The following BTBD9 variants were observed in gnomAD, a reference collection of about 807,000 sequenced individuals.
The protein encoded by BTBD9 is BTB/POZ domain-containing protein 9.
In BTBD9, 49 loss-of-function variants were observed where a neutral mutation model predicts 64.3. The ratio of observed to expected loss-of-function variants is 0.76; its 90% confidence interval spans 0.61 to 0.97. The LOEUF is 0.97. BTBD9 is among the 50% of genes least tolerant of loss of function. The probability of loss-of-function intolerance (pLI) is 0.00; values close to 1 mark genes in which losing one functional copy is unlikely to be tolerated. For missense variants in BTBD9, 598 were observed against 762.1 expected (o/e 0.78, Z 2.53); for synonymous variants, 260 against 274.7 (o/e 0.95, Z 0.53).
intron 9 of BTBD9, among the ~76,000 whole-genome samples, chr6:38,202,275 T>C (rs1762492768): frequency 6.6e-6 from 1 of 151,700 alleles, no homozygotes; most frequent in Non-Finnish European, 1.5e-5. Context: ...TTAGTAGAAA[T>C]GGGGTTTCAC....
At chr6:38,428,425 C>A (rs2127292028) in intron 6 of BTBD9, among the ~76,000 whole-genome samples, 1 of 150,506 alleles carries the variant, frequency 6.6e-6, no homozygotes, top group African/African-American at 2.5e-5. Flanking sequence ...AAACTACGTT[C>A]TCTGTTGCCC....
rs1456985930 is a variant in BTBD9 at position 38,496,144 on chromosome 6, C to G, written c.1154+81456G>C. Among the ~76,000 whole-genome samples, 3 of 152,314 alleles carry G rather than the reference C, an allele frequency of 2.0e-5. No homozygotes were observed. The East Asian group carries it at 5.8e-4, about 29-fold the overall frequency. ...GTCACTGGCAAGAACAGGAAAAACACTTGGGGCAAGCAAGCCAGCCCCACT... is the reference window on the plus strand; with the variant it reads ...GTCACTGGCAAGAACAGGAAAAACAGTTGGGGCAAGCAAGCCAGCCCCACT... On this transcript the variant is annotated intron_variant, in intron 6 of 10. Coordinates refer to ENST00000481247, the MANE Select transcript of BTBD9 (RefSeq NM_001099272.2).
intron 6 of BTBD9, among the ~76,000 whole-genome samples, chr6:38,347,329 A>C (rs756568972): frequency 6.6e-6 from 1 of 152,204 alleles, no homozygotes; most frequent in Non-Finnish European, 1.5e-5. Context: ...CCAGATAAAA[A>C]GTTCTGTGTA....
intron 9 of BTBD9, among the ~76,000 whole-genome samples, chr6:38,227,387 A>C (rs1763434541): frequency 6.6e-6 from 1 of 152,204 alleles, no homozygotes; most frequent in Non-Finnish European, 1.5e-5. Flanking sequence ...CTCTAATCCA[A>C]AGATGCTTGA....
chr6:38,568,921 A>T (rs1412071471), intron 6 of BTBD9, among the ~76,000 whole-genome samples: 1 of 152,218 alleles, frequency 6.6e-6, no homozygotes, highest in Non-Finnish European at 1.5e-5. Context: ...ACTCCTAGAT[A>T]CCTTACACAG....
intron 10 of BTBD9, among the ~76,000 whole-genome samples, chr6:38,188,027 T>C (rs1338145413): frequency 1.3e-5 from 2 of 152,202 alleles, no homozygotes; most frequent in African/African-American, 4.8e-5. Flanking sequence ...AGCCTTTGGA[T>C]GCAGGAAGAC....
chr6:38,427,252 G>A lies in BTBD9; in HGVS notation c.1155-82159C>T, dbSNP rs989051090. 2.1e-4 allele frequency among the ~76,000 whole-genome samples: 32 copies of A among 151,704 alleles called. 2 individuals are homozygous for A. The highest frequency in any genetic ancestry group is 5.8e-4 in the African/African-American group (24 of 41,096). On this transcript the variant is annotated intron_variant, in intron 6 of 10. Coordinates refer to ENST00000481247, the MANE Select transcript of BTBD9 (RefSeq NM_001099272.2). The stretch of plus-strand genomic sequence containing the variant: ...CACCTATAATCTCAGCTATTCAGGA[G>A]GCTCAGGCAGGAGGATTGCTTGAGC...
chr6:38,252,541 T>G (rs573513919), intron 9 of BTBD9, among the ~76,000 whole-genome samples: 2 of 152,248 alleles, frequency 1.3e-5, no homozygotes, highest in Non-Finnish European at 2.9e-5. Context: ...TTACTACTTT[T>G]GTTCTTCTAA....
At chr6:38,217,760 G>T (rs144546781) in intron 9 of BTBD9, among the ~76,000 whole-genome samples, 1 of 150,722 alleles carries the variant, frequency 6.6e-6, no homozygotes, top group South Asian at 2.1e-4. Flanking sequence ...GCCCTTCACT[G>T]GCCGCATGGC....
At chr6:38,501,469 C>T (rs1772196759) in intron 6 of BTBD9, among the ~76,000 whole-genome samples, 1 of 152,224 alleles carries the variant, frequency 6.6e-6, no homozygotes, top group African/African-American at 2.4e-5. Flanking sequence ...ATAGTAAACA[C>T]TCAATACTTG....
At chr6:38,545,859 C>CAT in intron 6 of BTBD9, among the ~76,000 whole-genome samples, 1 of 57,776 alleles carries the variant, frequency 1.7e-5, no homozygotes, top group East Asian at 2.3e-4. Flanking sequence ...CACACATACA[C>CAT]ACACACACAC....
Position 38,351,050 on chromosome 6 carries a change from C to T in BTBD9, c.1155-5957G>A, listed in dbSNP as rs557674529. 6.6e-5 allele frequency among the ~76,000 whole-genome samples: 10 copies of T among 152,282 alleles called. No homozygotes were observed. The East Asian group carries it at 1.9e-3, about 29-fold the overall frequency. On this transcript the variant is annotated intron_variant, in intron 6 of 10. Transcript: ENST00000481247. ...GTGACTTCAGGTCTTGTTGCTAAGG[C>T]AGCAAGTGGAAAACAAGTTTACTGC...
At chr6:38,616,457 C>CTT (rs202074071) in intron 1 of BTBD9, among the ~76,000 whole-genome samples, 5 of 151,938 alleles carry the variant, frequency 3.3e-5, no homozygotes, top group Admixed American at 3.3e-4. Flanking sequence ...CTACTAAACA[C>CTT]TTTTTTTTAA....
intron 1 of BTBD9, among the ~76,000 whole-genome samples, chr6:38,612,415 CTT>C (rs1244939280): frequency 6.6e-6 from 1 of 152,226 alleles, no homozygotes; most frequent in Non-Finnish European, 1.5e-5. Context: ...TTATCCTTCT[CTT>C]GTGCTGTAAC....
chr6:38,282,625 T>C (rs1455208605), intron 8 of BTBD9, among the ~76,000 whole-genome samples: 2 of 152,056 alleles, frequency 1.3e-5, no homozygotes, highest in Non-Finnish European at 2.9e-5. Context: ...CTCAAAGCTA[T>C]CTCTCAGCTG....
intron 1 of BTBD9, among the ~76,000 whole-genome samples, chr6:38,619,038 C>T (rs1249421004): frequency 6.6e-6 from 1 of 152,134 alleles, no homozygotes; most frequent in Non-Finnish European, 1.5e-5. Context: ...CGAAAAAGCC[C>T]ATGAATTATT....
At position 38,175,063 on chromosome 6, in the gene BTBD9, C is replaced by A; in HGVS notation, c.1761G>T (p.Ala587=). 6.2e-7 allele frequency: 1 copy of A among 1,614,202 alleles called. No individual in the cohort carries two copies. Among genetic ancestry groups the A allele is most frequent in the Non-Finnish European group, 8.5e-7 (1 of 1,180,044 alleles). ...SLAGQQLDSH[A]LRAPSGSSLP... Reference sequence around the variant, plus strand: ...GTGAGCTGCCACTAGGCGCCCGCAGCGCATGGGAGTCGAGCTGCTGACCGG... The same window carrying A: ...GTGAGCTGCCACTAGGCGCCCGCAGAGCATGGGAGTCGAGCTGCTGACCGG... Residue 587 remains alanine, a synonymous_variant, in exon 11 of 11, where the codon GCG becomes GCT. Coordinates refer to ENST00000481247, the MANE Select transcript of BTBD9 (RefSeq NM_001099272.2).
chr6:38,459,661 G>T lies in BTBD9; in HGVS notation c.1155-114568C>A, dbSNP rs113002561. Reference sequence around the variant, plus strand: ...TCAACAAGAAATAGACTTTTGTTATGCTAAGTTACTGAGATTTTGTTTTTG... The same window carrying T: ...TCAACAAGAAATAGACTTTTGTTATTCTAAGTTACTGAGATTTTGTTTTTG... On this transcript the variant is annotated intron_variant, in intron 6 of 10. Transcript: ENST00000481247. 5.2e-3 allele frequency among the ~76,000 whole-genome samples: 798 copies of T among 152,220 alleles called. 4 individuals carry two copies. The highest frequency in any genetic ancestry group is 0.018 in the African/African-American group (742 of 41,524).
intron 6 of BTBD9, among the ~76,000 whole-genome samples, chr6:38,505,736 G>A (rs902265860): frequency 7.2e-5 from 11 of 151,728 alleles, no homozygotes; most frequent in African/African-American, 2.4e-4. Context: ...GGAGGCTGAG[G>A]TGGACAGATC....
Sources: gnomAD v4.1 joint callset for allele counts (sites outside exome capture counted in the v4.1 genomes callset) on GRCh38, gnomAD v4.1.1 for gene constraint, MANE v1.5 for transcripts, NCBI Gene and HGNC (gene_info 2026-07-23, HGNC 2026-07-21) for gene names.